Variants in MYO1H observed in about 807,000 individuals in gnomAD.
MYO1H encodes unconventional myosin-Ih.
A neutral mutation model predicts 149.3 loss-of-function variants in MYO1H; 118 were observed. That is an observed-to-expected ratio of 0.79 (90% CI 0.68 to 0.92). MYO1H has a LOEUF of 0.92. Ranked by LOEUF, MYO1H falls within the 40% of genes least tolerant of loss-of-function variation. The pLI is 0.00. For missense variants in MYO1H, 1,212 were observed against 1,280.7 expected (o/e 0.95, Z 0.82); for synonymous variants, 447 against 465.2 (o/e 0.96, Z 0.50).
At chr12:109,370,618 T>G (rs1868961404) in intron 1 of MYO1H, among the ~76,000 whole-genome samples, 1 of 152,248 alleles carries the variant, frequency 6.6e-6, no homozygotes, top group Admixed American at 6.5e-5. Context: ...CTACCCATTT[T>G]AATATTACAT....
the MYO1H span, among the ~76,000 whole-genome samples, chr12:109,326,465 A>C: frequency 6.6e-6 from 1 of 151,548 alleles, no homozygotes; most frequent in South Asian, 2.1e-4. Context: ...AAGGGAGGGA[A>C]TTAGACTCTA....
At chr12:109,409,771 C>A in intron 11 of MYO1H, 147 bp downstream of exon 11, 1 of 766,906 alleles carries the variant, frequency 1.3e-6, no homozygotes, top group Non-Finnish European at 2.2e-6. Flanking sequence ...CACAGACCAT[C>A]CTAGATGTGG....
At chr12:109,340,135 G>A in the MYO1H span, among the ~76,000 whole-genome samples, 11 of 151,964 alleles carry the variant, frequency 7.2e-5, no homozygotes, top group East Asian at 3.9e-4. Context: ...TAGGCAATAC[G>A]GTGGCATACC....
At chr12:109,334,207 T>C in the MYO1H span, among the ~76,000 whole-genome samples, 1 of 152,008 alleles carries the variant, frequency 6.6e-6, no homozygotes, top group African/African-American at 2.4e-5. Flanking sequence ...TAAGTAGAGA[T>C]GGGGTTTTGC....
chr12:109,332,032 G>A, the MYO1H span, among the ~76,000 whole-genome samples: 9 of 152,082 alleles, frequency 5.9e-5, no homozygotes, highest in East Asian at 1.7e-3. Flanking sequence ...TATCTCATGG[G>A]GTGTCGTAAG....
At chr12:109,445,586 A>G in exon 31 of MYO1H, 4 of 1,610,038 alleles carry the variant, frequency 2.5e-6, no homozygotes, top group Middle Eastern at 1.7e-4. Context: ...ACAAGTCTAT[A>G]AAAATAAAAA....
chr12:109,327,937 T>C, the MYO1H span, among the ~76,000 whole-genome samples: 2 of 151,850 alleles, frequency 1.3e-5, no homozygotes, highest in African/African-American at 4.8e-5. Flanking sequence ...ATGCTTTCTA[T>C]GCATCAACTC....
chr12:109,437,424 A>T (rs1187490150), intron 22 of MYO1H, among the ~76,000 whole-genome samples: 7 of 152,190 alleles, frequency 4.6e-5, no homozygotes, highest in Non-Finnish European at 8.8e-5. Flanking sequence ...GGAGATGTGC[A>T]TAGATTTAGT....
At chr12:109,439,492 C>A in intron 23 of MYO1H, 139 bp from the exon 24 acceptor site, 1 of 774,378 alleles carries the variant, frequency 1.3e-6, no homozygotes. Context: ...ATATGTGGGG[C>A]AGATTTGGCC....
At chr12:109,442,060 C>G (rs1382572144) in intron 26 of MYO1H, among the ~76,000 whole-genome samples, 157 bp from the exon 27 acceptor site, 2 of 152,050 alleles carry the variant, frequency 1.3e-5, no homozygotes, top group Non-Finnish European at 2.9e-5. Context: ...AAAAATAAGT[C>G]AAAGGCAGAT....
chr12:109,357,409 T>C (rs943316256), intron 1 of MYO1H: 5 of 152,212 alleles, frequency 3.3e-5, no homozygotes, highest in African/African-American at 1.2e-4. Context: ...AAAATACCAT[T>C]GATTCAGAAA....
intron 19 of MYO1H, 143 bp downstream of exon 19, chr12:109,427,729 A>T (rs896801892): frequency 1.7e-6 from 1 of 601,340 alleles, no homozygotes; most frequent in Non-Finnish European, 3.0e-6. Context: ...AGCTAAAAAC[A>T]CTAACATTTG....
chr12:109,440,335 C>T lies in MYO1H; in HGVS notation c.2455-409C>T, dbSNP rs879608445. 2.1e-4 allele frequency among the ~76,000 whole-genome samples: 32 copies of T among 152,132 alleles called. 1 individual carries two copies. The highest frequency in any genetic ancestry group is 1.6e-3 in the Admixed American group (25 of 15,270). On this transcript the variant is annotated intron_variant, in intron 24 of 31. Coordinates refer to ENST00000310903, the Ensembl canonical transcript of MYO1H. ...ACAGGTGCGAGTCACCGTGCCCAGC[C>T]GACAGAGTACTTTCGAATCATTTCT...
chr12:109,415,430 T>C, intron 14 of MYO1H, 96 bp from the exon 15 acceptor site: 1 of 1,132,006 alleles, frequency 8.8e-7, no homozygotes, highest in Non-Finnish European at 1.3e-6. Context: ...GAGCCAAGAT[T>C]GTGCCACTGC....
chr12:109,442,997 G>GAA (rs35940183), intron 27 of MYO1H, among the ~76,000 whole-genome samples: 1,328 of 67,800 alleles, frequency 0.02, 220 homozygotes, highest in Admixed American at 0.091. Context: ...AGAGAGCCAG[G>GAA]AAAAAAAAAA....
At chr12:109,314,216 T>C in the MYO1H span, among the ~76,000 whole-genome samples, 1 of 149,674 alleles carries the variant, frequency 6.7e-6, no homozygotes, top group South Asian at 2.1e-4. Flanking sequence ...TCTTTGTCTT[T>C]TTTTTTTTTT....
At chr12:109,443,081 CGTATGTGTGTATATATGTGT>C (rs1566044816) in intron 27 of MYO1H, among the ~76,000 whole-genome samples, 10 of 38,512 alleles carry the variant, frequency 2.6e-4, no homozygotes, top group Non-Finnish European at 3.8e-4. Context: ...TATATGTGTA[CGTATGTGTGTATATATGTGT>C]ACGTATATGT....
the MYO1H span, among the ~76,000 whole-genome samples, chr12:109,320,267 T>C: frequency 0.19 from 29,036 of 151,832 alleles, 2,947 homozygotes; most frequent in African/African-American, 0.24. Flanking sequence ...AGAGCTATTA[T>C]TGTTCCACTG....
chr12:109,372,265 G>T (rs1868998307), intron 1 of MYO1H, among the ~76,000 whole-genome samples: 1 of 151,692 alleles, frequency 6.6e-6, no homozygotes, highest in African/African-American at 2.4e-5. Context: ...TTATTTTTTA[G>T]TGTTTAAATC....
Sources: gnomAD v4.1 joint callset for allele counts (sites outside exome capture counted in the v4.1 genomes callset) on GRCh38, gnomAD v4.1.1 for gene constraint, MANE v1.5 for transcripts, NCBI Gene and HGNC (gene_info 2026-07-23, HGNC 2026-07-21) for gene names.